Variants in SORL1 observed in about 807,000 individuals in gnomAD.
The protein encoded by SORL1 is sortilin related receptor 1.
In SORL1, 127 loss-of-function variants were observed where a neutral mutation model predicts 273.7. The ratio of observed to expected loss-of-function variants is 0.46; its 90% CI spans 0.40 to 0.54. The LOEUF is 0.54. Ranked by LOEUF, SORL1 falls within the 20% of genes least tolerant of loss-of-function variation. The probability of loss-of-function intolerance (pLI) is 0.00; values close to 1 mark genes in which losing one functional copy is unlikely to be tolerated. For missense variants in SORL1, 2,494 were observed against 2,846.1 expected (o/e 0.88, Z 2.81); for synonymous variants, 1,031 against 1,067.4 (o/e 0.97, Z 0.66).
intron 24 of SORL1, among the ~76,000 whole-genome samples, chr11:121,575,970 A>G (rs1365453669): frequency 6.6e-6 from 1 of 152,172 alleles, no homozygotes; most frequent in Non-Finnish European, 1.5e-5. Flanking sequence ...CCTCTGATGC[A>G]GGTCCTCTTC....
Position 121,558,768 on chromosome 11 carries a change from G to T in SORL1, c.2841G>T (p.Thr947=). 6.2e-7 allele frequency: 1 copy of T among 1,614,134 alleles called. No homozygotes were observed. The highest frequency in any genetic ancestry group is 8.5e-7 in the Non-Finnish European group (1 of 1,180,026). ...ACCTGGAGTGCATAGAGCGGATCAC[G>T]TTCAGTGGCCAGCAGCGCTCTGTCA... is the stretch of plus-strand genomic sequence containing the variant. ...DAYLECIERI[T]FSGQQRSVIL... The change falls in exon 20 of 48, where the codon ACG becomes ACT. Residue 947 remains threonine (T), a synonymous_variant. Coordinates refer to ENST00000260197, the MANE Select transcript of SORL1 (RefSeq NM_003105.6).
At chr11:121,474,501 C>T (rs941870754) in intron 2 of SORL1, among the ~76,000 whole-genome samples, 7 of 152,136 alleles carry the variant, frequency 4.6e-5, no homozygotes, top group African/African-American at 1.4e-4. Context: ...TTTTGAGGTA[C>T]AAGGGAAAGA....
intron 1 of SORL1, among the ~76,000 whole-genome samples, chr11:121,463,260 A>ATTT (rs11446353): frequency 1.3e-5 from 2 of 149,658 alleles, no homozygotes; most frequent in Admixed American, 1.3e-4. Flanking sequence ...TATTTTCCTC[A>ATTT]TTTTTTTTTT....
At chr11:121,577,509 T>C in intron 25 of SORL1, 109 bp downstream of exon 25, 5 of 1,233,820 alleles carry the variant, frequency 4.1e-6, no homozygotes, top group Non-Finnish European at 4.3e-6. Flanking sequence ...GCTTGGACCT[T>C]AGAAATCAGC....
chr11:121,555,649 C>G (rs140374072), intron 18 of SORL1, among the ~76,000 whole-genome samples: 3 of 152,058 alleles, frequency 2.0e-5, no homozygotes, highest in Non-Finnish European at 4.4e-5. Context: ...AAACTACAAT[C>G]ACTTTTGCAT....
chr11:121,453,516 T>C (rs1448084250), intron 1 of SORL1, among the ~76,000 whole-genome samples: 1 of 152,000 alleles, frequency 6.6e-6, no homozygotes, highest in Non-Finnish European at 1.5e-5. Context: ...AGCAAAAGTA[T>C]AAGGTCGGTG....
chr11:121,582,403 G>A (rs1050582332), intron 25 of SORL1, among the ~76,000 whole-genome samples: 2 of 152,236 alleles, frequency 1.3e-5, no homozygotes, highest in Admixed American at 6.5e-5. Context: ...CAGAGAGTCC[G>A]TCTATCTAGG....
chr11:121,557,245 A>G, intron 18 of SORL1, 69 bp from the exon 19 acceptor site: 3 of 1,117,688 alleles, frequency 2.7e-6, no homozygotes, highest in Admixed American at 3.4e-5. Flanking sequence ...CTGAGTAGCC[A>G]TCTTTGGCAA....
intron 11 of SORL1, among the ~76,000 whole-genome samples, chr11:121,529,214 T>G (rs1862167195): frequency 6.6e-6 from 1 of 152,216 alleles, no homozygotes; most frequent in African/African-American, 2.4e-5. Context: ...TGTTTACTAT[T>G]TGGATATTAC....
intron 12 of SORL1, among the ~76,000 whole-genome samples, chr11:121,536,629 A>G (rs1357533691): frequency 3.4e-5 from 5 of 147,894 alleles, no homozygotes; most frequent in African/African-American, 1.3e-4. Flanking sequence ...GGTTGTTCTC[A>G]TTTGAACTCC....
intron 21 of SORL1, among the ~76,000 whole-genome samples, chr11:121,565,487 G>A (rs1048951554): frequency 6.6e-6 from 1 of 152,158 alleles, no homozygotes; most frequent in African/African-American, 2.4e-5. Flanking sequence ...TAACCTGTAG[G>A]CCAGGATAGG....
At chr11:121,513,177 A>G (rs562283387) in intron 7 of SORL1, 73 bp downstream of exon 7, 27 of 1,107,176 alleles carry the variant, frequency 2.4e-5, no homozygotes, top group Non-Finnish European at 3.5e-5. Context: ...AGGTTGTTGC[A>G]GGGATGGCCT....
At chr11:121,623,284 T>A (rs1445722367) in intron 45 of SORL1, among the ~76,000 whole-genome samples, 1 of 152,084 alleles carries the variant, frequency 6.6e-6, no homozygotes, top group Non-Finnish European at 1.5e-5. Flanking sequence ...CAGGGAAGAG[T>A]ATAACTGGTA....
At chr11:121,518,956 T>C (rs1861993402) in intron 8 of SORL1, among the ~76,000 whole-genome samples, 1 of 150,764 alleles carries the variant, frequency 6.6e-6, no homozygotes. Flanking sequence ...TTTTTCTTTT[T>C]TTTTTTTTTT....
At chr11:121,480,524 CTG>C (rs1283287410) in intron 3 of SORL1, among the ~76,000 whole-genome samples, 2 of 152,022 alleles carry the variant, frequency 1.3e-5, no homozygotes, top group Non-Finnish European at 2.9e-5. Flanking sequence ...CCTCTGGAAT[CTG>C]TCTTTTCAGC....
Position 121,627,496 on chromosome 11 carries a change from C to T in SORL1, c.6365-59C>T. The T allele has an allele frequency of 2.8e-6, 4 of 1,426,678 alleles. No individual in the cohort carries two copies. The highest frequency in any genetic ancestry group is 4.0e-6 in the Non-Finnish European group (4 of 1,011,522). 88.4% of individuals were successfully genotyped at this position (1,426,678 alleles called of 1,614,324 possible). The stretch of plus-strand genomic sequence containing the variant: ...TTTGGTGGGTGGGGCCTTGAGGAGT[C>T]ATCTGGTCTGTTCTCCTGCCCTCAG... On this transcript the variant is annotated intron_variant, in intron 46 of 47. Transcript: ENST00000260197. The surrounding 1 kb of genome is among the most constrained non-coding windows in gnomAD (Gnocchi z 4.9).
Position 121,619,856 on chromosome 11 carries a change from C to G in SORL1, c.5828C>G (p.Thr1943Arg). Residue 1943 changes from threonine (T) to arginine (R), a missense_variant, in exon 43 of 48, where the codon ACG becomes AGG. Physicochemically the swap from Thr to Arg is moderately conservative, Grantham distance 71. Transcript: ENST00000260197. ...LPPRHLHVVHTGKTSVVIKWE... is the reference protein window; with the variant it reads ...LPPRHLHVVHRGKTSVVIKWE... ...CCCCGTCACCTGCATGTGGTTCATACGGGCAAAACCTCCGTGGTCATCAAG... is the reference window on the plus strand; with the variant it reads ...CCCCGTCACCTGCATGTGGTTCATAGGGGCAAAACCTCCGTGGTCATCAAG... 1.2e-6 allele frequency: 2 copies of G among 1,613,996 alleles called. No homozygotes were observed. Among genetic ancestry groups the G allele is most frequent in the Non-Finnish European group, 8.5e-7 (1 of 1,179,896 alleles).
At chr11:121,615,166 G>A in intron 41 of SORL1, 111 bp downstream of exon 41, 1 of 845,268 alleles carries the variant, frequency 1.2e-6, no homozygotes, top group Non-Finnish European at 1.8e-6. Flanking sequence ...CGGTGCCCCT[G>A]CTGCTCTTGG....
chr11:121,478,032 C>CAAAAAAAA (rs55896588), intron 2 of SORL1, 86 bp from the exon 3 acceptor site: 2 of 1,048,424 alleles, frequency 1.9e-6, no homozygotes, highest in African/African-American at 2.1e-5. Context: ...AACTCAGTCT[C>CAAAAAAAA]AAAAAAAAAA....
Sources: allele counts gnomAD v4.1 joint callset (sites outside exome capture counted in the v4.1 genomes callset), GRCh38; gene constraint gnomAD v4.1.1; non-coding constraint Gnocchi (gnomAD v3.1); transcripts MANE v1.5; gene names NCBI Gene and HGNC (gene_info 2026-07-23, HGNC 2026-07-21).